Variants in SENP7 observed in about 807,000 individuals in gnomAD.
The protein encoded by SENP7 is sentrin-specific protease 7.
SENP7 carries 64 observed loss-of-function variants against 141.2 expected under a neutral mutation model. That is an observed-to-expected ratio of 0.45 (90% CI 0.37 to 0.56). The LOEUF is 0.56. SENP7 is among the 20% of genes least tolerant of loss of function. The pLI, the probability that SENP7 is intolerant of heterozygous loss-of-function variation, is 0.00. For missense variants in SENP7, 1,025 were observed against 1,212.2 expected (o/e 0.85, Z 2.29); for synonymous variants, 382 against 426.4 (o/e 0.90, Z 1.28).
At chr3:101,505,044 G>A (rs527477968) in intron 1 of SENP7, among the ~76,000 whole-genome samples, 8 of 151,834 alleles carry the variant, frequency 5.3e-5, no homozygotes, top group Non-Finnish European at 8.8e-5. Context: ...CAGTCTGGAC[G>A]ACAGAGCGAA....
chr3:101,364,812 T>C, intron 10 of SENP7, 22 bp downstream of exon 10: 5 of 1,500,456 alleles, frequency 3.3e-6, no homozygotes, highest in South Asian at 1.3e-5. Flanking sequence ...TGTTAATCTA[T>C]GAGAAGACAG....
rs1343256167 is a variant in SENP7 at position 101,452,926 on chromosome 3, G to A, written c.284+6029C>T. Among the ~76,000 whole-genome samples, 7 of 152,194 alleles carry A rather than the reference G, an allele frequency of 4.6e-5. No homozygotes were observed. The South Asian group carries it at 8.3e-4, about 18-fold the overall frequency. On this transcript the variant is annotated intron_variant, in intron 4 of 23. Coordinates refer to ENST00000394095, the MANE Select transcript of SENP7 (RefSeq NM_020654.5). The stretch of plus-strand genomic sequence containing the variant: ...AAGAAACTACCATCAGAGTGAACAG[G>A]CAACCTACAGAATGGGAGAAAATTT...
chr3:101,416,447 T>C (rs927615034), intron 5 of SENP7, among the ~76,000 whole-genome samples: 2 of 152,136 alleles, frequency 1.3e-5, no homozygotes, highest in African/African-American at 4.8e-5. Context: ...TCAAAGATAT[T>C]AGAAAGCCAT....
chr3:101,387,487 C>A (rs761108778), intron 6 of SENP7, among the ~76,000 whole-genome samples: 28 of 152,140 alleles, frequency 1.8e-4, no homozygotes, highest in Non-Finnish European at 4.1e-4. Flanking sequence ...TGACTAGAGA[C>A]CTGCCCCCTC....
chr3:101,389,953 C>T lies in SENP7; in HGVS notation c.677+8908G>A, dbSNP rs188259189. Among the ~76,000 whole-genome samples, 260 of 152,212 alleles carry T rather than the reference C, an allele frequency of 1.7e-3. 2 individuals carry two copies. Among genetic ancestry groups the T allele is most frequent in the South Asian group, 3.3e-3 (16 of 4,814 alleles). ...GAAATATATGAGCCAGGCACAGTGG[C>T]TCATGCTTGTAATCCCAGCACTTTG... On this transcript the variant is annotated intron_variant, in intron 6 of 23. Coordinates refer to ENST00000394095, the MANE Select transcript of SENP7 (RefSeq NM_020654.5).
intron 17 of SENP7, among the ~76,000 whole-genome samples, chr3:101,336,105 G>A (rs1308290280): frequency 1.3e-5 from 2 of 152,166 alleles, no homozygotes; most frequent in African/African-American, 2.4e-5. Flanking sequence ...AACAGAAAGA[G>A]TTGAACTTTG....
At chr3:101,354,252 T>C (rs1206529687) in intron 11 of SENP7, among the ~76,000 whole-genome samples, 1 of 152,052 alleles carries the variant, frequency 6.6e-6, no homozygotes, top group Admixed American at 6.6e-5. Flanking sequence ...CCAGCAAACA[T>C]AAATAAAATT....
At chr3:101,461,472 A>T (rs2063544402) in intron 3 of SENP7, among the ~76,000 whole-genome samples, 1 of 152,074 alleles carries the variant, frequency 6.6e-6, no homozygotes, top group Non-Finnish European at 1.5e-5. Flanking sequence ...GAAGGAAGAG[A>T]GGAGAAGGAA....
At chr3:101,341,142 A>G (rs2059316777) in intron 15 of SENP7, among the ~76,000 whole-genome samples, 1 of 152,216 alleles carries the variant, frequency 6.6e-6, no homozygotes, top group South Asian at 2.1e-4. Context: ...AAACAAAGAA[A>G]TAGAATCACA....
At chr3:101,451,487 C>A (rs2063133055) in intron 4 of SENP7, among the ~76,000 whole-genome samples, 1 of 152,198 alleles carries the variant, frequency 6.6e-6, no homozygotes, top group Non-Finnish European at 1.5e-5. Flanking sequence ...CAAACCGAAT[C>A]CAGCAGCACA....
chr3:101,381,854 T>A (rs1018717302), intron 6 of SENP7, among the ~76,000 whole-genome samples: 2 of 152,210 alleles, frequency 1.3e-5, no homozygotes, highest in African/African-American at 4.8e-5. Context: ...GGGAAAATGA[T>A]CTCAAAATAG....
Position 101,328,658 on chromosome 3 carries a change from T to G in SENP7, c.2783A>C (p.Lys928Thr). ...AGCATGTACCTACCTTTTACACATT[T>G]TCTTTGGTACTGACATATTCGACTC... ...STESNMSVPK[K>T]MCKRPCILIL... The change falls in exon 21 of 24, where the codon AAA (lysine) becomes ACA (threonine). Residue 928 changes from lysine to threonine, a missense_variant. By Grantham distance (78) the Lys-to-Thr change is moderately conservative. Around this residue, in one of 4 missense-constraint regions of SENP7, gnomAD observed 295 missense variants for 459.1 expected, o/e 0.64. Coordinates refer to ENST00000394095, the MANE Select transcript of SENP7 (RefSeq NM_020654.5). 1 of 1,609,152 alleles carries G rather than the reference T, an allele frequency of 6.2e-7. No homozygotes were observed.
chr3:101,422,327 C>A (rs2061815633), intron 4 of SENP7, among the ~76,000 whole-genome samples: 1 of 152,098 alleles, frequency 6.6e-6, no homozygotes, highest in African/African-American at 2.4e-5. Flanking sequence ...TTGGGGACTG[C>A]TGCTTTAAAG....
chr3:101,431,350 G>T (rs1161574473), intron 4 of SENP7, among the ~76,000 whole-genome samples: 1 of 151,982 alleles, frequency 6.6e-6, no homozygotes, highest in East Asian at 1.9e-4. Context: ...CTTGCTTTAT[G>T]AATCTGGGTG....
intron 4 of SENP7, among the ~76,000 whole-genome samples, chr3:101,423,964 G>A (rs185125003): frequency 1.3e-5 from 2 of 152,292 alleles, no homozygotes; most frequent in Admixed American, 1.3e-4. Context: ...AGAAGGTTTG[G>A]TGCGGGAGAG....
chr3:101,508,363 G>A (rs1337019887), intron 1 of SENP7, among the ~76,000 whole-genome samples: 8 of 152,030 alleles, frequency 5.3e-5, no homozygotes, highest in African/African-American at 7.2e-5. Flanking sequence ...TTGGGAGGCC[G>A]AGGCAGGCAG....
At chr3:101,357,803 C>G (rs367622186) in intron 11 of SENP7, 1 of 599,938 alleles carries the variant, frequency 1.7e-6, no homozygotes. Flanking sequence ...AGTCCTCAAC[C>G]CTTACTACAC....
intron 5 of SENP7, among the ~76,000 whole-genome samples, chr3:101,400,569 C>G (rs1474824084): frequency 6.6e-6 from 1 of 150,492 alleles, no homozygotes; most frequent in Non-Finnish European, 1.5e-5. Context: ...ATTGTAATTG[C>G]TTTGAAGCAC....
intron 23 of SENP7, 126 bp downstream of exon 23, chr3:101,327,540 C>CGAAAG: frequency 1.6e-6 from 1 of 641,546 alleles, no homozygotes; most frequent in Non-Finnish European, 2.4e-6. Flanking sequence ...AAACCTCTTT[C>CGAAAG]CTTTATAAAT....
Sources: gnomAD v4.1 joint callset for allele counts (sites outside exome capture counted in the v4.1 genomes callset) on GRCh38, gnomAD v4.1.1 for gene constraint, gnomAD v4.1.1 regional missense constraint, MANE v1.5 for transcripts, NCBI Gene and HGNC (gene_info 2026-07-23, HGNC 2026-07-21) for gene names.